The following EYS variants were observed in gnomAD, a reference collection of about 807,000 sequenced individuals.
EYS encodes the protein protein eyes shut homolog.
A neutral mutation model predicts 282.1 loss-of-function variants in EYS; 250 were observed. That is an observed-to-expected ratio of 0.89 (90% CI 0.80 to 0.98). EYS has a LOEUF of 0.98. Ranked by LOEUF, EYS falls within the 50% of genes least tolerant of loss-of-function variation. EYS has a pLI of 0.00. For synonymous variants in EYS, 1,355 were observed against 1,282.9 expected (o/e 1.06, Z -1.20); for missense variants, 4,016 against 3,709.0 (o/e 1.08, Z -2.15).
At chr6:65,373,228 T>A (rs1300156875) in intron 8 of EYS, among the ~76,000 whole-genome samples, 1 of 152,168 alleles carries the variant, frequency 6.6e-6, no homozygotes, top group Non-Finnish European at 1.5e-5. Context: ...CTTGCTTCGG[T>A]GTCCCTGTCT....
intron 33 of EYS, among the ~76,000 whole-genome samples, chr6:64,015,280 A>T (rs984815051): frequency 1.8e-4 from 28 of 152,288 alleles, no homozygotes; most frequent in Non-Finnish European, 3.5e-4. Flanking sequence ...CAAAATCCAC[A>T]TCTCATATAA....
At chr6:65,323,945 C>T (rs1397664756) in intron 11 of EYS, among the ~76,000 whole-genome samples, 2 of 152,232 alleles carry the variant, frequency 1.3e-5, no homozygotes, top group Non-Finnish European at 1.5e-5. Context: ...CACTCCCTCA[C>T]TTTCCCAGTC....
chr6:65,521,904 T>C (rs1244415102), intron 2 of EYS, among the ~76,000 whole-genome samples: 1 of 152,184 alleles, frequency 6.6e-6, no homozygotes, highest in East Asian at 1.9e-4. Flanking sequence ...AATATTTTAT[T>C]TGATTAATAG....
chr6:64,497,933 C>A (rs1776938602), intron 26 of EYS, among the ~76,000 whole-genome samples: 1 of 151,982 alleles, frequency 6.6e-6, no homozygotes, highest in Admixed American at 6.6e-5. Context: ...GGGAAGTGAG[C>A]TTATTAAGAG....
At chr6:65,454,528 T>A (rs1764531481) in intron 5 of EYS, among the ~76,000 whole-genome samples, 1 of 151,994 alleles carries the variant, frequency 6.6e-6, no homozygotes, top group South Asian at 2.1e-4. Flanking sequence ...ATTAGCCTAT[T>A]TTTGCTTTTG....
chr6:65,518,689 A>G (rs1001601834), intron 2 of EYS, among the ~76,000 whole-genome samples: 1 of 152,144 alleles, frequency 6.6e-6, no homozygotes, highest in African/African-American at 2.4e-5. Flanking sequence ...AGGTTCTCAC[A>G]CTGCTAATAA....
chr6:65,598,570 C>T (rs887099376), intron 2 of EYS, among the ~76,000 whole-genome samples: 2 of 151,916 alleles, frequency 1.3e-5, no homozygotes, highest in East Asian at 3.9e-4. Flanking sequence ...TCATATATAC[C>T]TTTTTTACTC....
chr6:64,180,599 C>T (rs1229171908), intron 31 of EYS, among the ~76,000 whole-genome samples: 3 of 151,892 alleles, frequency 2.0e-5, no homozygotes, highest in African/African-American at 7.3e-5. Flanking sequence ...TTTGGTAGGC[C>T]CCAGGGTCTG....
chr6:64,833,509 G>T (rs1277007275), intron 19 of EYS, among the ~76,000 whole-genome samples: 1 of 151,736 alleles, frequency 6.6e-6, no homozygotes, highest in African/African-American at 2.4e-5. Context: ...CAGACTTCAT[G>T]AGCTATCAAG....
chr6:64,467,636 C>T lies in EYS; in HGVS notation c.5645-28284G>A, dbSNP rs1775968422. 2.0e-5 allele frequency among the ~76,000 whole-genome samples: 3 copies of T among 152,132 alleles called. No homozygotes were observed. The South Asian group carries it at 6.2e-4, about 32-fold the overall frequency. ...ATTACCACCACTGAAGACATCCACG[C>T]ACACATTCTGGGTACATGAGAATGA... On this transcript the variant is annotated intron_variant, in intron 26 of 42. Coordinates refer to ENST00000503581, the MANE Select transcript of EYS (RefSeq NM_001142800.2).
chr6:64,718,585 A>C (rs1451453676), intron 22 of EYS, among the ~76,000 whole-genome samples: 1 of 152,154 alleles, frequency 6.6e-6, no homozygotes. Context: ...CCACCTTAAC[A>C]TTCACGCTTT....
chr6:64,044,352 A>G (rs1770526236), intron 33 of EYS, among the ~76,000 whole-genome samples: 1 of 152,196 alleles, frequency 6.6e-6, no homozygotes, highest in East Asian at 1.9e-4. Flanking sequence ...CAGCCCTTGC[A>G]TTACTGGCTT....
At chr6:64,483,914 A>G (rs577265062) in intron 26 of EYS, among the ~76,000 whole-genome samples, 1 of 151,852 alleles carries the variant, frequency 6.6e-6, no homozygotes, top group Admixed American at 6.6e-5. Context: ...ACATAGACAT[A>G]GATTACAATT....
chr6:65,003,770 A>C (rs1332880336), intron 13 of EYS, among the ~76,000 whole-genome samples: 2 of 147,638 alleles, frequency 1.4e-5, no homozygotes, highest in African/African-American at 4.9e-5. Context: ...GTTACCTGAT[A>C]CTGAGGGATC....
chr6:65,453,730 T>C (rs746548941), intron 5 of EYS, among the ~76,000 whole-genome samples: 11 of 151,990 alleles, frequency 7.2e-5, no homozygotes, highest in Non-Finnish European at 1.0e-4. Flanking sequence ...GCTTCTAAGA[T>C]ATCAACTTCT....
intron 29 of EYS, 83 bp from the exon 30 acceptor site, chr6:64,307,165 G>T (rs1769486058): frequency 4.4e-6 from 3 of 680,930 alleles, no homozygotes; most frequent in African/African-American, 1.9e-5. Context: ...AACTGGTCAG[G>T]GTATGCAACT....
At chr6:64,230,209 T>C (rs1345811329) in intron 31 of EYS, among the ~76,000 whole-genome samples, 1 of 152,144 alleles carries the variant, frequency 6.6e-6, no homozygotes, top group Non-Finnish European at 1.5e-5. Context: ...GCATATGAAG[T>C]ATATAAGTGT....
chr6:64,254,392 C>T (rs574977461), intron 30 of EYS, among the ~76,000 whole-genome samples: 1 of 152,186 alleles, frequency 6.6e-6, no homozygotes, highest in Non-Finnish European at 1.5e-5. Flanking sequence ...CTAGCTTGCT[C>T]CTGCATGAAA....
intron 12 of EYS, among the ~76,000 whole-genome samples, chr6:65,162,359 G>A (rs954693117): frequency 1.7e-4 from 25 of 151,306 alleles, no homozygotes; most frequent in Admixed American, 3.3e-4. Flanking sequence ...ATTAGAATGC[G>A]TGAGATAGAG....
Sources: allele counts gnomAD v4.1 joint callset (sites outside exome capture counted in the v4.1 genomes callset), GRCh38; gene constraint gnomAD v4.1.1; transcripts MANE v1.5; gene names NCBI Gene and HGNC (gene_info 2026-07-23, HGNC 2026-07-21).